Variants in SNTG2 observed in about 807,000 individuals in gnomAD.
SNTG2 encodes syntrophin gamma 2.
Under a neutral mutation model 70.9 loss-of-function variants are expected in SNTG2, and 74 were observed. The ratio of observed to expected loss-of-function variants is 1.04; its 90% confidence interval spans 0.86 to 1.27. The LOEUF (loss-of-function observed/expected upper bound fraction) is 1.27, where lower values mean the gene tolerates loss of function less well. Among genes scored for constraint, SNTG2 ranks in the 50% most tolerant of loss-of-function variants. SNTG2 has a pLI of 0.00. For synonymous variants in SNTG2, 278 were observed against 273.8 expected (o/e 1.02, Z -0.15); for missense variants, 717 against 690.7 (o/e 1.04, Z -0.43).
At chr2:1,145,720 C>T (rs772443294) in intron 6 of SNTG2, among the ~76,000 whole-genome samples, 6 of 152,126 alleles carry the variant, frequency 3.9e-5, no homozygotes, top group Non-Finnish European at 8.8e-5. Context: ...AGCTTTATCA[C>T]AATACCAAAA....
At chr2:1,059,354 A>G (rs920488592) in intron 1 of SNTG2, 3 of 83,090 alleles carry the variant, frequency 3.6e-5, no homozygotes, top group Admixed American at 1.2e-4. Flanking sequence ...TTTCAGCTGC[A>G]AAAGGGCAAA....
chr2:1,282,626 G>A (rs1252886428), intron 14 of SNTG2, among the ~76,000 whole-genome samples: 1 of 151,998 alleles, frequency 6.6e-6, no homozygotes, highest in Non-Finnish European at 1.5e-5. Flanking sequence ...CAATAACGCC[G>A]CCTCCCCCGC....
At chr2:1,163,356 G>C (rs1670467144) in intron 6 of SNTG2, 1 of 147,984 alleles carries the variant, frequency 6.8e-6, no homozygotes, top group Non-Finnish European at 1.5e-5. Context: ...GTGGGTGTGT[G>C]AAGTCTTCCC....
intron 1 of SNTG2, among the ~76,000 whole-genome samples, chr2:1,058,582 T>G (rs564832058): frequency 1.3e-5 from 2 of 152,348 alleles, no homozygotes; most frequent in South Asian, 4.1e-4. Context: ...CAGCTGCTGC[T>G]GTCTGCTTTT....
intron 16 of SNTG2, among the ~76,000 whole-genome samples, chr2:1,349,680 CA>C (rs1660479029): frequency 6.6e-6 from 1 of 152,212 alleles, no homozygotes; most frequent in Admixed American, 6.5e-5. Context: ...ATAAGTTTCA[CA>C]AAGGCAGTTT....
intron 8 of SNTG2, among the ~76,000 whole-genome samples, chr2:1,181,224 AAAAT>A (rs968311497): frequency 3.4e-4 from 52 of 152,100 alleles, no homozygotes; most frequent in Admixed American, 2.4e-3. Flanking sequence ...TAATAATAAT[AAAAT>A]AAATAAAGCA....
chr2:1,106,282 T>C lies in SNTG2; in HGVS notation c.325+7872T>C, dbSNP rs1214993110. Among the ~76,000 whole-genome samples the C allele has an allele frequency of 2.9e-4, 15 of 50,898 alleles. 1 individual carries two copies. Among genetic ancestry groups the C allele is most frequent in the East Asian group, 7.1e-4 (1 of 1,418 alleles). The allele number at this position is 50,898 out of a possible 152,430, so 33.4% of individuals were successfully genotyped here. ...TGGAGAGCTCCTTGGTAATAGTGGA[T>C]GTGTGCTGTCACTCGGGTGCAGGGT... On this transcript the variant is annotated intron_variant, in intron 4 of 16. Transcript: ENST00000308624.
At chr2:1,030,221 C>G (rs1377359939) in intron 1 of SNTG2, among the ~76,000 whole-genome samples, 1 of 152,178 alleles carries the variant, frequency 6.6e-6, no homozygotes, top group African/African-American at 2.4e-5. Flanking sequence ...TGCTGAACTT[C>G]TTGAGCTGTG....
At chr2:1,254,746 G>A (rs1353277505) in intron 12 of SNTG2, among the ~76,000 whole-genome samples, 3 of 152,120 alleles carry the variant, frequency 2.0e-5, no homozygotes, top group African/African-American at 7.2e-5. Flanking sequence ...ATTGTCAATT[G>A]CCATTATTAG....
At chr2:1,328,176 G>T (rs137929867) in intron 16 of SNTG2, among the ~76,000 whole-genome samples, 1 of 152,148 alleles carries the variant, frequency 6.6e-6, no homozygotes, top group South Asian at 2.1e-4. Context: ...CATGATCCAG[G>T]CACCTCCCAC....
At chr2:1,113,024 A>G (rs908408255) in intron 4 of SNTG2, among the ~76,000 whole-genome samples, 2 of 151,652 alleles carry the variant, frequency 1.3e-5, no homozygotes, top group Admixed American at 1.3e-4. Flanking sequence ...ATGTGTACTA[A>G]GTGAGGTGTA....
At chr2:1,017,850 G>A (rs1001991748) in intron 1 of SNTG2, among the ~76,000 whole-genome samples, 9 of 152,158 alleles carry the variant, frequency 5.9e-5, no homozygotes, top group Non-Finnish European at 1.0e-4. Context: ...GTCAGGTTCC[G>A]AGCACACAGT....
chr2:1,259,658 G>T (rs1053970343), intron 13 of SNTG2, among the ~76,000 whole-genome samples: 21 of 152,180 alleles, frequency 1.4e-4, no homozygotes, highest in African/African-American at 4.6e-4. Context: ...TGGATGACAG[G>T]GTGTGTCTGT....
chr2:1,336,488 C>T (rs975715905), intron 16 of SNTG2, among the ~76,000 whole-genome samples: 6 of 152,144 alleles, frequency 3.9e-5, no homozygotes, highest in African/African-American at 1.2e-4. Flanking sequence ...TGTCTGTTTG[C>T]TTTCATCGCT....
chr2:1,031,754 A>G (rs1272303955), intron 1 of SNTG2, among the ~76,000 whole-genome samples: 2 of 151,756 alleles, frequency 1.3e-5, no homozygotes, highest in African/African-American at 4.8e-5. Context: ...AACACAGATG[A>G]AACTTGAAAA....
At chr2:1,031,528 A>ATAT in intron 1 of SNTG2, among the ~76,000 whole-genome samples, 14 of 59,124 alleles carry the variant, frequency 2.4e-4, no homozygotes, top group African/African-American at 8.3e-4. Flanking sequence ...ATATATATAT[A>ATAT]TTTTTTTTTT....
At chr2:1,089,020 T>C (rs1385671086) in intron 2 of SNTG2, among the ~76,000 whole-genome samples, 1 of 152,236 alleles carries the variant, frequency 6.6e-6, no homozygotes, top group East Asian at 1.9e-4. Flanking sequence ...TTGTGAAATT[T>C]CACAGGTACG....
At chr2:1,266,664 G>A (rs1338973403) in intron 13 of SNTG2, among the ~76,000 whole-genome samples, 1 of 151,768 alleles carries the variant, frequency 6.6e-6, no homozygotes, top group African/African-American at 2.4e-5. Context: ...CAGGGGGCAC[G>A]CTTAGTTAGA....
rs184058528 is a variant in SNTG2 at position 1,040,560 on chromosome 2, C to T, written c.73-42958C>T. On this transcript the variant is annotated intron_variant, in intron 1 of 16. Coordinates refer to ENST00000308624, the MANE Select transcript of SNTG2 (RefSeq NM_018968.4). The stretch of plus-strand genomic sequence containing the variant: ...GGGGTCTTTCTGGTTGGAGTTTCTG[C>T]CGGCCATTGCCGAAATCCACATTGA... Among the ~76,000 whole-genome samples the T allele has an allele frequency of 4.6e-5, 7 of 152,272 alleles. No homozygotes were observed. In the East Asian group the frequency reaches 5.8e-4, roughly 13 times the overall value.
Sources: allele counts gnomAD v4.1 joint callset (sites outside exome capture counted in the v4.1 genomes callset), GRCh38; gene constraint gnomAD v4.1.1; transcripts MANE v1.5; gene names NCBI Gene and HGNC (gene_info 2026-07-23, HGNC 2026-07-21).